The following INHBC variants were observed in gnomAD, a reference collection of about 807,000 sequenced individuals.
INHBC encodes the protein inhibin beta C chain.
Under a neutral mutation model 12.4 loss-of-function variants are expected in INHBC, and 10 were observed. The ratio of observed to expected loss-of-function variants is 0.81; its 90% confidence interval spans 0.50 to 1.37. The LOEUF is 1.37. Among genes scored for constraint, INHBC ranks in the 40% most tolerant of loss-of-function variants. The pLI is 0.00. For missense variants in INHBC, 382 were observed against 439.4 expected, an observed-to-expected ratio of 0.87 and a Z score of 1.17; for synonymous variants, 147 against 171.6, an observed-to-expected ratio of 0.86 and a Z score of 1.12.
At chr12:57,444,480 G>A (rs1207932825) in intron 1 of INHBC, among the ~76,000 whole-genome samples, 1 of 151,172 alleles carries the variant, frequency 6.6e-6, no homozygotes, top group Non-Finnish European at 1.5e-5. Flanking sequence ...GGTGGAGGTT[G>A]CAGTGAGCCA....
chr12:57,449,432 C>G lies in INHBC; in HGVS notation c.469C>G (p.Pro157Ala). 6.2e-7 allele frequency: 1 copy of G among 1,614,150 alleles called. No individual in the cohort carries two copies. Among genetic ancestry groups the G allele is most frequent in the Non-Finnish European group, 8.5e-7 (1 of 1,180,024 alleles). ...GAAAGTGAGAGTCCTTGTGCTGGGT[C>G]CACATAATACCAACCTCACCTTGGC... Reference protein sequence around the residue: ...TLKVRVLVLGPHNTNLTLATQ... With the variant: ...TLKVRVLVLGAHNTNLTLATQ... Residue 157 changes from proline to alanine, a missense_variant, in exon 2 of 2, where the codon CCA becomes GCA. By Grantham distance (27) the Pro-to-Ala change is conservative. Coordinates refer to ENST00000309668, the MANE Select transcript of INHBC (RefSeq NM_005538.4).
chr12:57,442,351 G>T (rs1307391533), intron 1 of INHBC, among the ~76,000 whole-genome samples: 2 of 152,216 alleles, frequency 1.3e-5, no homozygotes, highest in Non-Finnish European at 2.9e-5. Flanking sequence ...GGGGCCAACA[G>T]TGTAATAGTC....
chr12:57,440,141 G>T (rs1164752107), intron 1 of INHBC, among the ~76,000 whole-genome samples: 1 of 152,110 alleles, frequency 6.6e-6, no homozygotes, highest in Non-Finnish European at 1.5e-5. Flanking sequence ...TTGTCAGAGA[G>T]AAAGAATGAA....
intron 1 of INHBC, among the ~76,000 whole-genome samples, chr12:57,447,892 A>AATATATATATATATATATATATAT (rs1241342566): frequency 1.5e-4 from 3 of 19,878 alleles, no homozygotes; most frequent in Non-Finnish European, 3.2e-4. Context: ...AAAAAAAAAA[A>AATATATATATATATATATATATAT]ATATATATAT....
In INHBC at chr12:57,449,968, C is replaced by T. The variant is rs772465598; in HGVS notation, c.1005C>T (p.Asn335=). The T allele has an allele frequency of 6.5e-7, 1 of 1,547,834 alleles. No homozygotes were observed. Among genetic ancestry groups the T allele is most frequent in the Non-Finnish European group, 8.7e-7 (1 of 1,145,336 alleles). ...LSLLYYDRDS[N]IVKTDIPDMV... ...TGCTCTATTATGACAGGGACAGCAA[C>T]ATTGTCAAGACTGACATACCTGACA... Residue 335 remains asparagine (N), a synonymous_variant, in exon 2 of 2, where the codon AAC becomes AAT. Transcript: ENST00000309668.
chr12:57,451,311 T>C lies in INHBC; in HGVS notation c.*1289T>C, dbSNP rs187817870. ...GCAAGTGTGGGAGGCAGAGGCATGC[T>C]CAGAGCTGGCTGCCAGGACCTCTGA... On this transcript the variant is annotated 3_prime_UTR_variant, in exon 2 of 2. Transcript: ENST00000309668. Among the ~76,000 whole-genome samples, 2 of 152,302 alleles carry C rather than the reference T, an allele frequency of 1.3e-5. No individual in the cohort carries two copies. Among genetic ancestry groups the C allele is most frequent in the African/African-American group, 4.8e-5 (2 of 41,570 alleles).
Position 57,434,798 on chromosome 12 carries a change from G to A in INHBC, c.-89G>A. Reference sequence around the variant, plus strand: ...CAGCTGGACACACACTTCTTCCAGGGCCTCTGGCAGCCAGGACAGAGTTGA... The same window carrying A: ...CAGCTGGACACACACTTCTTCCAGGACCTCTGGCAGCCAGGACAGAGTTGA... On this transcript the variant is annotated 5_prime_UTR_variant, in exon 1 of 2. Transcript: ENST00000309668. The A allele has an allele frequency of 8.1e-7, 1 of 1,239,384 alleles. No homozygotes were observed. The highest frequency in any genetic ancestry group is 1.5e-5 in the South Asian group (1 of 68,264). The allele number at this position is 1,239,384 out of a possible 1,614,324, so 76.8% of individuals were successfully genotyped here.
chr12:57,446,456 CTTTATTTATTTATTTATTTATTTATTTA>C (rs57129298), intron 1 of INHBC, among the ~76,000 whole-genome samples: 5 of 130,358 alleles, frequency 3.8e-5, no homozygotes, highest in Non-Finnish European at 8.0e-5. Flanking sequence ...GAGCTTAGGA[CTTTATTTATTTATTTATTTATTTATTTA>C]TTTATTTATT....
At chr12:57,441,946 G>A (rs907840452) in intron 1 of INHBC, among the ~76,000 whole-genome samples, 13 of 152,120 alleles carry the variant, frequency 8.5e-5, no homozygotes, top group Non-Finnish European at 1.9e-4. Flanking sequence ...CTCCCAAAGT[G>A]CTGGGATTAC....
chr12:57,437,145 G>A (rs1287356282), intron 1 of INHBC, among the ~76,000 whole-genome samples: 1 of 152,088 alleles, frequency 6.6e-6, no homozygotes, highest in African/African-American at 2.4e-5. Flanking sequence ...CAGCTATTTG[G>A]GAGCCTGAGA....
intron 1 of INHBC, among the ~76,000 whole-genome samples, chr12:57,443,903 C>T (rs1051344556): frequency 2.6e-5 from 4 of 152,128 alleles, no homozygotes; most frequent in Non-Finnish European, 4.4e-5. Flanking sequence ...ATTCTCCTGC[C>T]TCAGCCTCCT....
At chr12:57,440,642 T>G (rs1870443731) in intron 1 of INHBC, among the ~76,000 whole-genome samples, 1 of 152,114 alleles carries the variant, frequency 6.6e-6, no homozygotes, top group African/African-American at 2.4e-5. Context: ...CAGTTCCTTT[T>G]TTAGTTCATC....
intron 1 of INHBC, among the ~76,000 whole-genome samples, chr12:57,444,927 C>T (rs1870543792): frequency 6.6e-6 from 1 of 152,178 alleles, no homozygotes; most frequent in African/African-American, 2.4e-5. Flanking sequence ...AGCAATCCTG[C>T]CACCTTGACC....
At position 57,451,655 on chromosome 12, in the gene INHBC, A is replaced by T. The variant is rs1264518578; in HGVS notation, c.*1633A>T. ...TATGACCCCCTCCTATGAGGGTAAG[A>T]GGTCCCTGAAATAGGAACCCTAGAG... On this transcript the variant is annotated 3_prime_UTR_variant, in exon 2 of 2. Coordinates refer to ENST00000309668, the MANE Select transcript of INHBC (RefSeq NM_005538.4). Among the ~76,000 whole-genome samples, 1 of 152,166 alleles carries T rather than the reference A, an allele frequency of 6.6e-6. No individual in the cohort carries two copies. Among genetic ancestry groups the T allele is most frequent in the African/African-American group, 2.4e-5 (1 of 41,428 alleles).
rs34935222 is a variant in INHBC, at chr12:57,443,113, C to CTTTTTTT, written c.314-6147_314-6141dup. The stretch of plus-strand genomic sequence containing the variant: ...AGTTCCATTCCCATAATAAAGCACT[C>CTTTTTTT]TTTTTTTTTTTTTTTTTTTTTTTGA... On this transcript the variant is annotated intron_variant, in intron 1 of 1. Coordinates refer to ENST00000309668, the MANE Select transcript of INHBC (RefSeq NM_005538.4). Among the ~76,000 whole-genome samples, 15 of 72,398 alleles carry CTTTTTTT rather than the reference C, an allele frequency of 2.1e-4. 1 individual carries two copies. The highest frequency in any genetic ancestry group is 1.1e-3 in the South Asian group (2 of 1,758). 47.5% of individuals were successfully genotyped at this position (72,398 alleles called of 152,430 possible). A position where few individuals can be genotyped will look rare whatever the true frequency, so the allele number is the denominator to read the frequency against.
chr12:57,438,384 C>A (rs1172413156), intron 1 of INHBC, among the ~76,000 whole-genome samples: 1 of 152,234 alleles, frequency 6.6e-6, no homozygotes, highest in East Asian at 1.9e-4. Flanking sequence ...GAGGGCTCCA[C>A]CCTCATTACT....
In INHBC at chr12:57,451,068, G is replaced by A. The variant is rs1286219233; in HGVS notation, c.*1046G>A. 6.6e-6 allele frequency among the ~76,000 whole-genome samples: 1 copy of A among 152,184 alleles called. No homozygotes were observed. The highest frequency in any genetic ancestry group is 1.5e-5 in the Non-Finnish European group (1 of 68,046). On this transcript the variant is annotated 3_prime_UTR_variant, in exon 2 of 2. Transcript: ENST00000309668. ...TATGCTGTAGTCTGCCTACTCTGCTGTCTCTTCACATGGTCTCCTCAGAAC... is the reference window on the plus strand; with the variant it reads ...TATGCTGTAGTCTGCCTACTCTGCTATCTCTTCACATGGTCTCCTCAGAAC...
chr12:57,441,738 G>C (rs968810267), intron 1 of INHBC, among the ~76,000 whole-genome samples: 1 of 149,736 alleles, frequency 6.7e-6, no homozygotes, highest in Non-Finnish European at 1.5e-5. Flanking sequence ...CTGGAGTGCA[G>C]TGGCACAGTC....
chr12:57,439,763 G>C (rs1870421284), intron 1 of INHBC, among the ~76,000 whole-genome samples: 1 of 152,296 alleles, frequency 6.6e-6, no homozygotes, highest in South Asian at 2.1e-4. Context: ...TTGTCTAGTT[G>C]TGAGGGTTGA....
Sources: allele counts gnomAD v4.1 joint callset (sites outside exome capture counted in the v4.1 genomes callset), GRCh38; gene constraint gnomAD v4.1.1; transcripts MANE v1.5; gene names NCBI Gene and HGNC (gene_info 2026-07-23, HGNC 2026-07-21).